Variants in MCMDC2 observed in about 807,000 individuals in gnomAD.
MCMDC2 encodes minichromosome maintenance domain containing 2.
A neutral mutation model predicts 75.8 loss-of-function variants in MCMDC2; 54 were observed. That is an observed-to-expected ratio of 0.71 (90% CI 0.57 to 0.89). The LOEUF is 0.89. MCMDC2 is among the 40% of genes least tolerant of loss of function. MCMDC2 has a pLI of 0.00. For missense variants in MCMDC2, 656 were observed against 780.4 expected (o/e 0.84, Z 1.90); for synonymous variants, 249 against 274.6 (o/e 0.91, Z 0.92).
At chr8:66,881,111 G>A in intron 8 of MCMDC2, 137 bp downstream of exon 8, 1 of 646,534 alleles carries the variant, frequency 1.5e-6, no homozygotes, top group East Asian at 3.8e-5. Flanking sequence ...GACAGTCAAG[G>A]TTTCTGTTCT....
At chr8:66,925,689 C>T (rs1369676430), downstream of MCMDC2, 4 of 152,272 alleles carry the variant, frequency 2.6e-5, no homozygotes, top group Non-Finnish European at 5.9e-5. Flanking sequence ...CGCACCTTAG[C>T]CCTCTTCCCT....
chr8:66,912,970 A>C (rs1456802599), intron 14 of MCMDC2, among the ~76,000 whole-genome samples: 2 of 152,172 alleles, frequency 1.3e-5, no homozygotes, highest in Non-Finnish European at 2.9e-5. Context: ...CAAAAAAAAA[A>C]ACCAACATCA....
Position 66,919,142 on chromosome 8 carries a change from G to T in MCMDC2, c.2019G>T (p.Gly673=). 1 of 1,547,380 alleles carries T rather than the reference G, an allele frequency of 6.5e-7. No individual in the cohort carries two copies. Among genetic ancestry groups the T allele is most frequent in the Non-Finnish European group, 8.7e-7 (1 of 1,145,648 alleles). ...AATTTATTGCCACATATGGACCTGG[G>T]ACAACTATTTTCTCTAGTGATGAAT... ...LEQFIATYGP[G]TTIFSSDE Residue 673 remains glycine, a synonymous_variant, in exon 15 of 15, where the codon GGG becomes GGT. Transcript: ENST00000422365.
intron 9 of MCMDC2, among the ~76,000 whole-genome samples, chr8:66,888,247 ATTT>A (rs200575783): frequency 6.6e-6 from 1 of 151,886 alleles, no homozygotes; most frequent in African/African-American, 2.4e-5. Flanking sequence ...CATCTGGTTA[ATTT>A]TTTTAGTTTT....
intron 7 of MCMDC2, among the ~76,000 whole-genome samples, chr8:66,879,645 A>C (rs1419452431): frequency 6.6e-6 from 1 of 152,228 alleles, no homozygotes; most frequent in Non-Finnish European, 1.5e-5. Flanking sequence ...TATAAATGGC[A>C]CTTCTATAGC....
intron 10 of MCMDC2, among the ~76,000 whole-genome samples, chr8:66,895,201 T>G (rs1361226816): frequency 6.6e-6 from 1 of 152,194 alleles, no homozygotes; most frequent in African/African-American, 2.4e-5. Context: ...CTGTGTTGTT[T>G]TTTATTGTTG....
At chr8:66,901,088 C>A in intron 12 of MCMDC2, 118 bp from the exon 13 acceptor site, 1 of 723,342 alleles carries the variant, frequency 1.4e-6, no homozygotes, top group Non-Finnish European at 2.3e-6. Context: ...GACATTTACT[C>A]TTTTTTATGT....
chr8:66,891,080 A>ATT lies in MCMDC2; in HGVS notation c.1279+15_1279+16dup. On this transcript the variant is annotated intron_variant, in intron 10 of 14. Transcript: ENST00000422365. ...GAACAGCTTCAAACAGGTAAACAAT[A>ATT]TTTTTTAAATTAATTTTCACCCGTT... is the stretch of plus-strand genomic sequence containing the variant. The ATT allele has an allele frequency of 2.5e-6, 4 of 1,584,612 alleles. No homozygotes were observed. The highest frequency in any genetic ancestry group is 3.4e-6 in the Non-Finnish European group (4 of 1,170,404).
intron 14 of MCMDC2, among the ~76,000 whole-genome samples, chr8:66,912,871 G>A (rs868077873): frequency 1.3e-4 from 20 of 151,918 alleles, no homozygotes; most frequent in African/African-American, 3.4e-4. Context: ...ACCATGGCAC[G>A]TGTATACCTA....
At chr8:66,894,856 A>C (rs1812270096) in intron 10 of MCMDC2, among the ~76,000 whole-genome samples, 1 of 152,172 alleles carries the variant, frequency 6.6e-6, no homozygotes, top group Non-Finnish European at 1.5e-5. Context: ...GAATATTTTC[A>C]TCACCCCAAA....
At chr8:66,923,884 A>G (rs1321487805), downstream of MCMDC2, among the ~76,000 whole-genome samples, 1 of 151,978 alleles carries the variant, frequency 6.6e-6, no homozygotes, top group African/African-American at 2.4e-5. Context: ...ATGAGAATCC[A>G]TCTCAAAAAA....
At chr8:66,902,919 C>T (rs761823592) in intron 13 of MCMDC2, among the ~76,000 whole-genome samples, 18 of 151,326 alleles carry the variant, frequency 1.2e-4, no homozygotes, top group Non-Finnish European at 1.8e-4. Context: ...CAGGAGTTCA[C>T]AACCAGCCTG....
At chr8:66,916,409 G>C (rs1158286754) in intron 14 of MCMDC2, among the ~76,000 whole-genome samples, 1 of 152,106 alleles carries the variant, frequency 6.6e-6, no homozygotes, top group African/African-American at 2.4e-5. Flanking sequence ...GAATATAATA[G>C]TTATTGTGGG....
At chr8:66,914,866 G>A (rs1488009201) in intron 14 of MCMDC2, among the ~76,000 whole-genome samples, 1 of 152,020 alleles carries the variant, frequency 6.6e-6, no homozygotes, top group African/African-American at 2.4e-5. Flanking sequence ...TTGTGCTCAT[G>A]AACTAGATTT....
chr8:66,904,844 C>G (rs1236263684), intron 13 of MCMDC2, among the ~76,000 whole-genome samples: 1 of 152,044 alleles, frequency 6.6e-6, no homozygotes, highest in Non-Finnish European at 1.5e-5. Context: ...GCTGAAATTG[C>G]AAACAAAAAT....
chr8:66,895,600 C>G (rs867075980), intron 10 of MCMDC2, among the ~76,000 whole-genome samples: 1 of 151,840 alleles, frequency 6.6e-6, no homozygotes. Context: ...GGTCTTGCCA[C>G]GTTGCCCAGG....
chr8:66,897,300 G>A (rs1191947731), intron 12 of MCMDC2, among the ~76,000 whole-genome samples: 3 of 151,860 alleles, frequency 2.0e-5, no homozygotes, highest in Admixed American at 1.3e-4. Flanking sequence ...CCAGCTACTC[G>A]GGAGGCTGAG....
At chr8:66,899,973 A>T (rs1812569991) in intron 12 of MCMDC2, among the ~76,000 whole-genome samples, 1 of 150,484 alleles carries the variant, frequency 6.6e-6, no homozygotes, top group Non-Finnish European at 1.5e-5. Context: ...TACAAAAAAA[A>T]ACAAAAGAAA....
At chr8:66,878,503 A>T in intron 5 of MCMDC2, 71 bp from the exon 6 acceptor site, 1 of 1,424,748 alleles carries the variant, frequency 7.0e-7, no homozygotes, top group Non-Finnish European at 9.4e-7. Flanking sequence ...TTAAAAAATG[A>T]CAACAACAAA....
Sources: gnomAD v4.1 joint callset for allele counts (sites outside exome capture counted in the v4.1 genomes callset) on GRCh38, gnomAD v4.1.1 for gene constraint, MANE v1.5 for transcripts, NCBI Gene and HGNC (gene_info 2026-07-23, HGNC 2026-07-21) for gene names.